Variants in RORA observed in about 807,000 individuals in gnomAD.
RORA encodes the protein RAR related orphan receptor A, also known as nuclear receptor ROR-alpha.
Under a neutral mutation model 69.5 loss-of-function variants are expected in RORA, and 7 were observed. The observed-to-expected ratio is 0.10, with a 90% confidence interval of 0.06 to 0.19. The LOEUF is 0.19. RORA is among the 10% of genes least tolerant of loss of function. The pLI is 1.00. For synonymous variants in RORA, 261 were observed against 240.8 expected (o/e 1.08, Z -0.78); for missense variants, 457 against 663.0 (o/e 0.69, Z 3.41).
intron 1 of RORA, among the ~76,000 whole-genome samples, chr15:60,998,016 A>T (rs1894615388): frequency 6.6e-6 from 1 of 152,218 alleles, no homozygotes; most frequent in South Asian, 2.1e-4. Context: ...TGGGTGATTT[A>T]ATGCCCAAGA....
chr15:60,821,428 G>A (rs893816006), intron 1 of RORA, among the ~76,000 whole-genome samples: 6 of 152,296 alleles, frequency 3.9e-5, no homozygotes, highest in African/African-American at 9.6e-5. Flanking sequence ...GGTAGGGCTC[G>A]CATTAAGAGC....
At chr15:61,167,482 A>ATTTTTTTTTT (rs199752865) in intron 1 of RORA, among the ~76,000 whole-genome samples, 19 of 133,674 alleles carry the variant, frequency 1.4e-4, no homozygotes, top group East Asian at 2.6e-4. Flanking sequence ...TTTGACCAGG[A>ATTTTTTTTTT]TTTTTTTTTT....
At chr15:60,724,053 C>T (rs1221999349) in intron 1 of RORA, among the ~76,000 whole-genome samples, 3 of 152,166 alleles carry the variant, frequency 2.0e-5, no homozygotes, top group African/African-American at 4.8e-5. Flanking sequence ...CTGACTTTAC[C>T]TCTGGCTTCA....
intron 1 of RORA, among the ~76,000 whole-genome samples, chr15:60,694,462 A>G (rs886816828): frequency 1.3e-5 from 2 of 152,152 alleles, no homozygotes; most frequent in African/African-American, 4.8e-5. Flanking sequence ...CTAGCTTTAC[A>G]TTCTGGTTGT....
At chr15:60,623,475 TCTAA>T (rs1399605068) in intron 2 of RORA, among the ~76,000 whole-genome samples, 1 of 152,204 alleles carries the variant, frequency 6.6e-6, no homozygotes, top group African/African-American at 2.4e-5. Context: ...TAGGCACTTG[TCTAA>T]CTACTTAACA....
chr15:61,141,883 T>C (rs1161471456), intron 1 of RORA, among the ~76,000 whole-genome samples: 2 of 131,240 alleles, frequency 1.5e-5, no homozygotes, highest in Non-Finnish European at 3.3e-5. Flanking sequence ...AGCAAAGAGC[T>C]GCCTCACTCA....
At chr15:60,633,921 T>C (rs2069786836) in intron 2 of RORA, among the ~76,000 whole-genome samples, 1 of 152,244 alleles carries the variant, frequency 6.6e-6, no homozygotes, top group South Asian at 2.1e-4. Flanking sequence ...TTTCATATGC[T>C]GCAGAGAGAT....
intron 2 of RORA, among the ~76,000 whole-genome samples, chr15:60,654,771 C>T (rs954259474): frequency 5.3e-5 from 8 of 152,002 alleles, no homozygotes; most frequent in Admixed American, 1.3e-4. Flanking sequence ...GTAGACTGGA[C>T]GATGCTACGT....
chr15:60,761,504 A>G (rs946583738), intron 1 of RORA, among the ~76,000 whole-genome samples: 5 of 152,120 alleles, frequency 3.3e-5, no homozygotes, highest in Admixed American at 2.6e-4. Context: ...CTTTTATGAT[A>G]TGTTTTTTTA....
intron 1 of RORA, among the ~76,000 whole-genome samples, chr15:60,768,511 G>C (rs9920244): frequency 2.8e-4 from 43 of 152,294 alleles, no homozygotes; most frequent in African/African-American, 1.0e-3. Flanking sequence ...GACCTCAACT[G>C]AACTTTCAGT....
chr15:60,923,618 C>T (rs1892114967), intron 1 of RORA, among the ~76,000 whole-genome samples: 1 of 152,248 alleles, frequency 6.6e-6, no homozygotes. Context: ...AATGTGCTTA[C>T]TTACTGCTTT....
chr15:60,841,826 C>T (rs900297729), intron 1 of RORA, among the ~76,000 whole-genome samples: 1 of 152,164 alleles, frequency 6.6e-6, no homozygotes, highest in African/African-American at 2.4e-5. Context: ...AAAGTAGAAA[C>T]CATCCACTGT....
chr15:61,125,097 T>G (rs1425957980), intron 1 of RORA, among the ~76,000 whole-genome samples: 1 of 152,246 alleles, frequency 6.6e-6, no homozygotes. Context: ...TTGGTGGTGA[T>G]GAAAATAAAT....
chr15:60,513,134 T>C (rs1290424231), intron 4 of RORA, among the ~76,000 whole-genome samples: 1 of 152,252 alleles, frequency 6.6e-6, no homozygotes, highest in Non-Finnish European at 1.5e-5. Context: ...GCGCTGTCCT[T>C]GTTCACAGAG....
intron 1 of RORA, among the ~76,000 whole-genome samples, chr15:60,923,420 G>T (rs971428933): frequency 6.6e-6 from 1 of 152,206 alleles, no homozygotes; most frequent in Non-Finnish European, 1.5e-5. Flanking sequence ...ACAAATGTAT[G>T]TGGGATAAAT....
chr15:60,865,504 T>C (rs952156765), intron 1 of RORA, among the ~76,000 whole-genome samples: 1 of 152,260 alleles, frequency 6.6e-6, no homozygotes, highest in Non-Finnish European at 1.5e-5. Context: ...ATGGGATTGC[T>C]GATGGCTCCT....
chr15:60,660,944 C>T (rs1454405370), intron 2 of RORA, among the ~76,000 whole-genome samples: 1 of 151,814 alleles, frequency 6.6e-6, no homozygotes, highest in Non-Finnish European at 1.5e-5. Context: ...ATTTAATTTT[C>T]TTAAAACAGA....
intron 1 of RORA, among the ~76,000 whole-genome samples, chr15:60,872,346 A>C (rs4775308): frequency 0.12 from 18,872 of 152,202 alleles, 1,556 homozygotes; most frequent in Non-Finnish European, 0.18. Flanking sequence ...CGGTCTGAGC[A>C]AGACGTTGGG....
intron 1 of RORA, among the ~76,000 whole-genome samples, chr15:61,132,590 G>GTCACTTGCTACCTGCTGTTATACAT (rs2079200822): frequency 6.6e-6 from 1 of 152,112 alleles, no homozygotes; most frequent in Non-Finnish European, 1.5e-5. Context: ...TATAATTCCA[G>GTCACTTGCTACCTGCTGTTATACAT]TTGTAAAAAA....
Sources: allele counts gnomAD v4.1 joint callset (sites outside exome capture counted in the v4.1 genomes callset), GRCh38; gene constraint gnomAD v4.1.1; transcripts MANE v1.5; gene names NCBI Gene and HGNC (gene_info 2026-07-23, HGNC 2026-07-21).